PCDHAC1: variants seen among roughly 807,000 people sequenced by gnomAD.
PCDHAC1 encodes protocadherin alpha subfamily C, 1.
In PCDHAC1, 42 loss-of-function variants were observed where a neutral mutation model predicts 60.0. That is an observed-to-expected ratio of 0.70 (90% CI 0.55 to 0.90). The LOEUF (loss-of-function observed/expected upper bound fraction) is 0.90. Ranked by LOEUF, PCDHAC1 falls within the 40% of genes least tolerant of loss-of-function variation. The probability of loss-of-function intolerance (pLI) is 0.00; values close to 1 mark genes in which losing one functional copy is unlikely to be tolerated. For missense variants in PCDHAC1, 1,160 were observed against 1,222.3 expected, an observed-to-expected ratio of 0.95 and a Z score of 0.76; for synonymous variants, 468 against 499.3, an observed-to-expected ratio of 0.94 and a Z score of 0.84.
chr5:140,977,442 T>C (rs746141638), intron 1 of PCDHAC1, among the ~76,000 whole-genome samples: 1 of 152,186 alleles, frequency 6.6e-6, no homozygotes. Flanking sequence ...TAGTAGATAA[T>C]GGAAACTCCT....
chr5:140,976,413 C>T (rs560298731), intron 1 of PCDHAC1, among the ~76,000 whole-genome samples: 2 of 151,978 alleles, frequency 1.3e-5, no homozygotes, highest in African/African-American at 4.8e-5. Flanking sequence ...TAGCCAGGTA[C>T]GGTGGCAGAT....
At chr5:140,963,168 T>G (rs1554226465) in intron 1 of PCDHAC1, among the ~76,000 whole-genome samples, 1 of 152,160 alleles carries the variant, frequency 6.6e-6, no homozygotes, top group East Asian at 1.9e-4. Flanking sequence ...ACATGCCATC[T>G]TACAGATATG....
Position 140,978,996 on chromosome 5 carries a change from A to C in PCDHAC1, c.2481A>C (p.Ala827=). Residue 827 remains alanine, a synonymous_variant, in exon 2 of 4, where the codon GCA becomes GCC. Transcript: ENST00000253807. ...GGCGTTACTCTGCCTCCCTGAGAGC[A>C]GGCATGCACAGGTATGTATTTCCCT... ...PDWRYSASLR[A]GMHSSVHLEE... is the part of the protein sequence containing the mutation. 6.2e-7 allele frequency: 1 copy of C among 1,614,186 alleles called. No individual in the cohort carries two copies. The highest frequency in any genetic ancestry group is 8.5e-7 in the Non-Finnish European group (1 of 1,180,024).
chr5:140,994,142 G>A (rs550428204), intron 3 of PCDHAC1, among the ~76,000 whole-genome samples: 21 of 152,298 alleles, frequency 1.4e-4, no homozygotes, highest in South Asian at 4.1e-4. Context: ...AATGCCCTAC[G>A]TAGGTAGGGT....
intron 1 of PCDHAC1, chr5:140,966,627 C>G: frequency 6.3e-6 from 6 of 951,596 alleles, no homozygotes; most frequent in Non-Finnish European, 8.6e-6. Flanking sequence ...AGGGAGCGGC[C>G]CCAGGCGCTT....
chr5:140,959,347 C>T (rs561977478), intron 1 of PCDHAC1, among the ~76,000 whole-genome samples: 4 of 151,938 alleles, frequency 2.6e-5, no homozygotes, highest in Admixed American at 6.6e-5. Context: ...TGCACTCCAG[C>T]GGGACAACTG....
At chr5:140,930,906 C>T (rs1235701028) in intron 1 of PCDHAC1, among the ~76,000 whole-genome samples, 1 of 152,134 alleles carries the variant, frequency 6.6e-6, no homozygotes, top group African/African-American at 2.4e-5. Flanking sequence ...ACTTACTTTT[C>T]TACTTTAGAT....
chr5:140,950,323 A>G (rs1400315467), intron 1 of PCDHAC1, among the ~76,000 whole-genome samples: 1 of 152,046 alleles, frequency 6.6e-6, no homozygotes, highest in Non-Finnish European at 1.5e-5. Context: ...TAATGCATAT[A>G]TGCTGCAGTG....
intron 3 of PCDHAC1, among the ~76,000 whole-genome samples, chr5:140,983,425 C>T (rs1252010683): frequency 2.0e-5 from 3 of 152,198 alleles, no homozygotes; most frequent in Non-Finnish European, 4.4e-5. Context: ...GTAGAGACCA[C>T]AAATTGTGTC....
chr5:141,003,457 G>A (rs769049189), intron 3 of PCDHAC1, among the ~76,000 whole-genome samples: 1 of 152,136 alleles, frequency 6.6e-6, no homozygotes, highest in Non-Finnish European at 1.5e-5. Flanking sequence ...AATTACAGGC[G>A]TGCACCACCA....
intron 3 of PCDHAC1, among the ~76,000 whole-genome samples, chr5:141,000,771 G>A (rs1318485268): frequency 2.0e-5 from 3 of 151,790 alleles, no homozygotes; most frequent in Non-Finnish European, 4.4e-5. Context: ...GCCAGGCATA[G>A]TGGCGCACAC....
At chr5:140,980,278 GA>G (rs1351425532) in intron 2 of PCDHAC1, among the ~76,000 whole-genome samples, 1 of 152,166 alleles carries the variant, frequency 6.6e-6, no homozygotes, top group Non-Finnish European at 1.5e-5. Flanking sequence ...ACCAACTCTT[GA>G]AAAGTACCAA....
chr5:140,966,543 A>G lies in PCDHAC1; in HGVS notation c.2434-12406A>G, dbSNP rs200134570. 641 of 461,190 alleles carry G rather than the reference A, an allele frequency of 1.4e-3. 4 individuals carry two copies. The highest frequency in any genetic ancestry group is 0.011 in the African/African-American group (555 of 49,108). The allele number at this position is 461,190 out of a possible 1,614,324, so 28.6% of individuals were successfully genotyped here. ...AGCCGAGCCGGGTTGAGCGACTCGGAGGCGAGCGGAGGAGCTGGAATATGG... is the reference window on the plus strand; with the variant it reads ...AGCCGAGCCGGGTTGAGCGACTCGGGGGCGAGCGGAGGAGCTGGAATATGG... On this transcript the variant is annotated intron_variant, in intron 1 of 3. Coordinates refer to ENST00000253807, the MANE Select transcript of PCDHAC1 (RefSeq NM_018898.5).
intron 3 of PCDHAC1, among the ~76,000 whole-genome samples, chr5:141,007,680 C>G (rs1179621299): frequency 1.3e-5 from 2 of 152,148 alleles, no homozygotes; most frequent in African/African-American, 4.8e-5. Flanking sequence ...CAAAAGTTAT[C>G]CTACTTCCAC....
rs562713934 is a variant in PCDHAC1, at chr5:140,967,172, G to A, written c.2434-11777G>A. 1.1e-5 allele frequency: 17 copies of A among 1,612,080 alleles called. No individual in the cohort carries two copies. The highest frequency in any genetic ancestry group is 2.2e-5 in the East Asian group (1 of 44,778). On this transcript the variant is annotated intron_variant, in intron 1 of 3. Coordinates refer to ENST00000253807, the MANE Select transcript of PCDHAC1 (RefSeq NM_018898.5). ...CCCCGTGGCGGTGAGCGCCGTTGAG[G>A]TGGAAATATTGGACATCAACGACAA...
intron 1 of PCDHAC1, among the ~76,000 whole-genome samples, chr5:140,974,524 T>C (rs976398044): frequency 5.9e-5 from 9 of 152,210 alleles, no homozygotes; most frequent in African/African-American, 9.7e-5. Flanking sequence ...TATTTTAGTT[T>C]TTTTGAGACG....
intron 3 of PCDHAC1, among the ~76,000 whole-genome samples, chr5:140,993,468 A>T (rs1327306188): frequency 7.2e-5 from 5 of 69,412 alleles, no homozygotes; most frequent in Non-Finnish European, 1.2e-4. Flanking sequence ...TTTCTCACAC[A>T]CACACACACA....
intron 3 of PCDHAC1, among the ~76,000 whole-genome samples, chr5:141,000,387 C>G (rs868946328): frequency 1.5e-5 from 1 of 66,898 alleles, no homozygotes. Context: ...CTCTCTCTCT[C>G]TCTCTCTCTA....
rs868916626 is a variant in PCDHAC1, at chr5:140,946,629, T to C, written c.2433+17304T>C. 3.4e-3 allele frequency among the ~76,000 whole-genome samples: 415 copies of C among 123,330 alleles called. 16 individuals carry two copies. The highest frequency in any genetic ancestry group is 0.017 in the Middle Eastern group (4 of 240). The allele number at this position is 123,330 out of a possible 152,430, so 80.9% of individuals were successfully genotyped here. On this transcript the variant is annotated intron_variant, in intron 1 of 3. Coordinates refer to ENST00000253807, the MANE Select transcript of PCDHAC1 (RefSeq NM_018898.5). ...AATGTGAAATATATATATATATATATATACAATGGAATACTCATCAGCCAT... is the reference window on the plus strand; with the variant it reads ...AATGTGAAATATATATATATATATACATACAATGGAATACTCATCAGCCAT...
Sources: gnomAD v4.1 joint callset for allele counts (sites outside exome capture counted in the v4.1 genomes callset) on GRCh38, gnomAD v4.1.1 for gene constraint, MANE v1.5 for transcripts, NCBI Gene and HGNC (gene_info 2026-07-23, HGNC 2026-07-21) for gene names.